The following MYO16 variants were observed in gnomAD, a reference collection of about 807,000 sequenced individuals.
MYO16 encodes the protein unconventional myosin-XVI.
MYO16 carries 94 observed loss-of-function variants against 205.3 expected under a neutral mutation model. That is an observed-to-expected ratio of 0.46 (90% CI 0.39 to 0.54). The LOEUF is 0.54. Among genes scored for constraint, MYO16 ranks in the 20% least tolerant of loss-of-function variants. MYO16 has a pLI of 0.00. For missense variants in MYO16, 2,315 were observed against 2,387.5 expected, an observed-to-expected ratio of 0.97 and a Z score of 0.63; for synonymous variants, 988 against 954.0, an observed-to-expected ratio of 1.04 and a Z score of -0.66.
the MYO16 span, among the ~76,000 whole-genome samples, chr13:108,543,564 C>T: frequency 6.9e-6 from 1 of 144,916 alleles, no homozygotes; most frequent in Non-Finnish European, 1.5e-5. Flanking sequence ...ATGGCGTGAA[C>T]CCAGGAGGCG....
At chr13:108,639,881 G>A (rs1424940221) in intron 1 of MYO16, among the ~76,000 whole-genome samples, 4 of 152,186 alleles carry the variant, frequency 2.6e-5, no homozygotes, top group African/African-American at 9.6e-5. Context: ...GCATTGTGGA[G>A]TATACGATAA....
upstream of MYO16, among the ~76,000 whole-genome samples, chr13:108,625,827 C>T (rs1230982159): frequency 6.6e-6 from 1 of 152,150 alleles, no homozygotes; most frequent in Admixed American, 6.5e-5. Flanking sequence ...GTGATGTTTG[C>T]AAACTTTAGT....
chr13:108,754,193 G>T (rs1243939280), intron 4 of MYO16, among the ~76,000 whole-genome samples: 1 of 142,134 alleles, frequency 7.0e-6, no homozygotes, highest in Non-Finnish European at 1.5e-5. Flanking sequence ...TAGCATGCAG[G>T]ACAAGCTGTA....
intron 21 of MYO16, among the ~76,000 whole-genome samples, chr13:108,999,870 C>G (rs971179676): frequency 6.6e-6 from 1 of 152,042 alleles, no homozygotes; most frequent in African/African-American, 2.4e-5. Context: ...CTTGATGCCC[C>G]TTTTGTTTGT....
intron 2 of MYO16, among the ~76,000 whole-genome samples, chr13:108,690,605 T>C (rs1882858666): frequency 6.6e-6 from 1 of 152,074 alleles, no homozygotes; most frequent in African/African-American, 2.4e-5. Flanking sequence ...CATTTATTTA[T>C]TTTACTTAAA....
At chr13:108,568,624 G>T in the MYO16 span, among the ~76,000 whole-genome samples, 1 of 151,944 alleles carries the variant, frequency 6.6e-6, no homozygotes, top group African/African-American at 2.4e-5. Flanking sequence ...TTCTTCCATG[G>T]TGTGGGTTGT....
At chr13:109,174,483 G>T (rs1455420527) in intron 33 of MYO16, among the ~76,000 whole-genome samples, 1 of 152,090 alleles carries the variant, frequency 6.6e-6, no homozygotes, top group Non-Finnish European at 1.5e-5. Flanking sequence ...GAGAAGGGGG[G>T]AAATGGAGAC....
At chr13:108,707,673 A>C (rs1004056118) in intron 2 of MYO16, among the ~76,000 whole-genome samples, 1 of 152,186 alleles carries the variant, frequency 6.6e-6, no homozygotes, top group African/African-American at 2.4e-5. Flanking sequence ...ATGGGAAAGG[A>C]TCTTCTATCA....
At chr13:108,842,312 C>A (rs1877285608) in intron 9 of MYO16, among the ~76,000 whole-genome samples, 1 of 151,928 alleles carries the variant, frequency 6.6e-6, no homozygotes, top group Non-Finnish European at 1.5e-5. Context: ...TAATTGCAAA[C>A]CATATACTTA....
At chr13:108,801,662 G>A (rs1322862908) in intron 6 of MYO16, among the ~76,000 whole-genome samples, 1 of 152,180 alleles carries the variant, frequency 6.6e-6, no homozygotes, top group South Asian at 2.1e-4. Flanking sequence ...CCAAGTCGGT[G>A]CTCATCCTGG....
intron 4 of MYO16, among the ~76,000 whole-genome samples, chr13:108,777,816 G>T (rs1886171889): frequency 1.3e-5 from 2 of 152,076 alleles, no homozygotes; most frequent in Admixed American, 6.6e-5. Flanking sequence ...AGGTATGTAG[G>T]TATGTTAACA....
At chr13:108,523,754 C>T in the MYO16 span, among the ~76,000 whole-genome samples, 202 of 152,330 alleles carry the variant, frequency 1.3e-3, no homozygotes, top group Non-Finnish European at 2.2e-3. Flanking sequence ...CTTATTTCTG[C>T]CTCCTGTTCC....
intron 16 of MYO16, among the ~76,000 whole-genome samples, chr13:108,921,882 G>C (rs953216231): frequency 2.6e-5 from 4 of 152,358 alleles, no homozygotes; most frequent in Non-Finnish European, 4.4e-5. Context: ...TCAGAGTATG[G>C]TTGTGAGTGA....
intron 1 of MYO16, 88 bp downstream of exon 1, chr13:108,629,960 T>C: frequency 8.9e-7 from 1 of 1,127,834 alleles, no homozygotes; most frequent in Non-Finnish European, 1.3e-6. Context: ...GCAGTTCTCC[T>C]GGTATACCAC....
chr13:108,677,106 T>C (rs1882248624), intron 2 of MYO16, among the ~76,000 whole-genome samples: 1 of 152,146 alleles, frequency 6.6e-6, no homozygotes, highest in African/African-American at 2.4e-5. Context: ...CCTTGTCATC[T>C]TCCATGTACT....
intron 6 of MYO16, among the ~76,000 whole-genome samples, chr13:108,798,775 G>T (rs907536578): frequency 7.6e-6 from 1 of 130,900 alleles, no homozygotes; most frequent in African/African-American, 2.9e-5. Flanking sequence ...GCGGAATCTC[G>T]GCTCACTGCA....
At chr13:108,714,143 G>GC (rs1883835271) in intron 3 of MYO16, among the ~76,000 whole-genome samples, 1 of 152,050 alleles carries the variant, frequency 6.6e-6, no homozygotes, top group South Asian at 2.1e-4. Context: ...TGCAAGCTCC[G>GC]TCTCCTGGTT....
chr13:109,205,724 T>C (rs1456475626), intron 34 of MYO16, among the ~76,000 whole-genome samples: 1 of 152,174 alleles, frequency 6.6e-6, no homozygotes, highest in African/African-American at 2.4e-5. Flanking sequence ...GTGCCCTAGC[T>C]GAAGTCAGGG....
intron 1 of MYO16, among the ~76,000 whole-genome samples, chr13:108,640,647 G>A (rs16972855): frequency 0.068 from 10,345 of 152,004 alleles, 566 homozygotes; most frequent in African/African-American, 0.15. Context: ...ACCCTCTGCC[G>A]GTGGTCCAAA....
Sources: gnomAD v4.1 joint callset for allele counts (sites outside exome capture counted in the v4.1 genomes callset) on GRCh38, gnomAD v4.1.1 for gene constraint, MANE v1.5 for transcripts, NCBI Gene and HGNC (gene_info 2026-07-23, HGNC 2026-07-21) for gene names.